Variants in MPG observed in about 807,000 individuals in gnomAD.
MPG encodes the protein N-methylpurine DNA glycosylase.
A neutral mutation model predicts 31.7 loss-of-function variants in MPG; 33 were observed. That is an observed-to-expected ratio of 1.04 (90% CI 0.79 to 1.39). The LOEUF (loss-of-function observed/expected upper bound fraction) is 1.39, where lower values mean the gene tolerates loss of function less well. Among genes scored for constraint, MPG ranks in the 40% most tolerant of loss-of-function variants. The probability of loss-of-function intolerance (pLI) is 0.00; values close to 1 mark genes in which losing one functional copy is unlikely to be tolerated. For synonymous variants in MPG, 202 were observed against 169.2 expected, an observed-to-expected ratio of 1.19 and a Z score of -1.51; for missense variants, 455 against 415.5, an observed-to-expected ratio of 1.10 and a Z score of -0.83.
chr16:84,895 G>A (rs1312687265), intron 3 of MPG, among the ~76,000 whole-genome samples: 1 of 152,208 alleles, frequency 6.6e-6, no homozygotes. Flanking sequence ...CAAACACTGA[G>A]TGGGTGAGGC....
chr16:78,174 C>A (rs1427706474), upstream of MPG: 51 of 718,982 alleles, frequency 7.1e-5, no homozygotes, highest in Non-Finnish European at 8.8e-5. Context: ...GCGCTCACTG[C>A]CCCCCTTCTC....
At chr16:79,899 C>T in intron 2 of MPG, 199 bp downstream of exon 2, 1 of 671,568 alleles carries the variant, frequency 1.5e-6, no homozygotes, top group Non-Finnish European at 2.5e-6. Flanking sequence ...TAGAGATTGT[C>T]AGTGCTGCTT....
intron 2 of MPG, chr16:79,978 C>T (rs1178647002): frequency 1.9e-5 from 10 of 537,680 alleles, no homozygotes; most frequent in African/African-American, 5.7e-5. Context: ...AGCACTTGCA[C>T]CGTTAGCCTT....
intron 1 of MPG, chr16:79,200 C>A (rs1898170912): frequency 6.5e-7 from 1 of 1,549,130 alleles, no homozygotes; most frequent in South Asian, 1.2e-5. Context: ...AGCAGCCACC[C>A]TGCCCCCAGC....
chr16:77,300 G>A (rs1249448012), upstream of MPG, among the ~76,000 whole-genome samples: 1 of 152,204 alleles, frequency 6.6e-6, no homozygotes, highest in Non-Finnish European at 1.5e-5. Flanking sequence ...TCTGCTGGGT[G>A]CTGGGGCTGC....
At chr16:83,912 A>G (rs1898334453) in intron 3 of MPG, among the ~76,000 whole-genome samples, 1 of 152,126 alleles carries the variant, frequency 6.6e-6, no homozygotes, top group African/African-American at 2.4e-5. Flanking sequence ...GTTGCCAAGG[A>G]TGGAGCAGTG....
rs113130800 is a variant in MPG at position 81,671 on chromosome 16, C to G, written c.301-1381C>G. ...ACCACCCTATCTCCGGGAAGGCCTC[C>G]TGAATGCTCCCCACACTGACCCCTT... On this transcript the variant is annotated intron_variant, in intron 2 of 3. Transcript: ENST00000356432. Among the ~76,000 whole-genome samples the G allele has an allele frequency of 1.4e-3, 187 of 130,960 alleles. 8 individuals are homozygous for G. Among genetic ancestry groups the G allele is most frequent in the African/African-American group, 6.8e-3 (175 of 25,774 alleles). 85.9% of individuals were successfully genotyped at this position (130,960 alleles called of 152,430 possible). A position where few individuals can be genotyped will look rare whatever the true frequency, so the allele number is the denominator to read the frequency against.
At chr16:82,920 G>A (rs187215541) in intron 2 of MPG, 132 bp from the exon 3 acceptor site, 137 of 714,058 alleles carry the variant, frequency 1.9e-4, no homozygotes, top group Non-Finnish European at 2.1e-4. Flanking sequence ...GGATGGAGAC[G>A]GGGCAAGGTC....
chr16:81,291 G>C (rs1415488036), intron 2 of MPG, among the ~76,000 whole-genome samples: 1 of 152,328 alleles, frequency 6.6e-6, no homozygotes, highest in South Asian at 2.1e-4. Flanking sequence ...AATGGTATCA[G>C]TGAAATCCTG....
intron 2 of MPG, among the ~76,000 whole-genome samples, chr16:81,384 A>T (rs1160403471): frequency 6.6e-6 from 1 of 152,160 alleles, no homozygotes; most frequent in Non-Finnish European, 1.5e-5. Context: ...GGGCCCCCCC[A>T]GTGTGCCCCC....
intron 3 of MPG, 171 bp downstream of exon 3, chr16:83,427 G>T: frequency 2.9e-6 from 2 of 679,592 alleles, no homozygotes; most frequent in Non-Finnish European, 4.9e-6. Context: ...GGCAGGGCTG[G>T]TTAGGTTAAA....
Position 79,537 on chromosome 16 carries a change from C to A in MPG, c.137C>A (p.Ala46Glu). ...GAGCAGCCACACAGCTCGTCCGATG[C>A]AGCCCAGGCACCTTGCCCCAGGGAG... ...PAEQPHSSSDAAQAPCPRERC... is the reference protein window; with the variant it reads ...PAEQPHSSSDEAQAPCPRERC... Residue 46 changes from alanine (A) to glutamate (E), a missense_variant, in exon 2 of 4, where the codon GCA (alanine) becomes GAA (glutamate). By Grantham distance (107) the Ala-to-Glu change is moderately radical. Transcript: ENST00000356432. 1 of 1,613,072 alleles carries A rather than the reference C, an allele frequency of 6.2e-7. No homozygotes were observed. The highest frequency in any genetic ancestry group is 8.5e-7 in the Non-Finnish European group (1 of 1,180,012).
At chr16:84,970 C>T (rs1279105722) in intron 3 of MPG, among the ~76,000 whole-genome samples, 1 of 152,240 alleles carries the variant, frequency 6.6e-6, no homozygotes, top group African/African-American at 2.4e-5. Context: ...TGATCGCACC[C>T]GAGGACTGGC....
chr16:80,067 G>A (rs995016781), intron 2 of MPG, among the ~76,000 whole-genome samples: 1 of 152,242 alleles, frequency 6.6e-6, no homozygotes. Context: ...CCTTCCCGCT[G>A]TAGTGGCTCA....
Position 85,703 on chromosome 16 carries a change from C to T in MPG, c.808C>T (p.Leu270Phe), listed in dbSNP as rs747967803. 3 of 1,541,052 alleles carry T rather than the reference C, an allele frequency of 1.9e-6. No homozygotes were observed. The South Asian group carries it at 3.7e-5, about 19-fold the overall frequency. ...GHAGEWARKP[L>F]RFYVRGSPWV... ...TGCAGGGGAGTGGGCCCGGAAACCCCTCCGCTTCTATGTCCGGGGCAGCCC... is the reference window on the plus strand; with the variant it reads ...TGCAGGGGAGTGGGCCCGGAAACCCTTCCGCTTCTATGTCCGGGGCAGCCC... The change falls in exon 4 of 4, where the codon CTC becomes TTC. Residue 270 changes from leucine (L) to phenylalanine (F), a missense_variant. Transcript: ENST00000356432.
chr16:85,627 GGAGCCCAGT>G lies in MPG; in HGVS notation c.738_746del (p.Ser247_Pro249del). On this transcript the variant is annotated inframe_deletion, in exon 4 of 4. Transcript: ENST00000356432. ...CTGTATGGCTGGAGCGTGGTCCCCT[GGAGCCCAGT>G]GAGCCGGCTGTAGTGGCAGCAGCCC... 1.3e-6 allele frequency: 2 copies of G among 1,597,898 alleles called. No individual in the cohort carries two copies. Among genetic ancestry groups the G allele is most frequent in the South Asian group, 1.1e-5 (1 of 90,524 alleles).
At position 83,225 on chromosome 16, in the gene MPG, C is replaced by T; in HGVS notation, c.474C>T (p.Gly158=). 1 of 1,612,760 alleles carries T rather than the reference C, an allele frequency of 6.2e-7. No homozygotes were observed. Among genetic ancestry groups the T allele is most frequent in the Non-Finnish European group, 8.5e-7 (1 of 1,179,710 alleles). ...PGTLYVYIIY[G]MYFCMNISSQ... ...CCCTGTACGTGTACATCATTTACGGCATGTACTTCTGCATGAACATCTCCA... is the reference window on the plus strand; with the variant it reads ...CCCTGTACGTGTACATCATTTACGGTATGTACTTCTGCATGAACATCTCCA... The change falls in exon 3 of 4, where the codon GGC becomes GGT. Residue 158 remains glycine (G), a synonymous_variant. Transcript: ENST00000356432.
In MPG at chr16:85,423, G is replaced by A; in HGVS notation, c.528G>A (p.Leu176=). Residue 176 remains leucine, a synonymous_variant, in exon 4 of 4, where the codon CTG becomes CTA. Transcript: ENST00000356432. ...SSQGDGACVL[L]RALEPLEGLE... ...CAGGGGACGGGGCTTGCGTCTTGCTGCGAGCACTGGAGCCCCTGGAAGGTC... is the reference window on the plus strand; with the variant it reads ...CAGGGGACGGGGCTTGCGTCTTGCTACGAGCACTGGAGCCCCTGGAAGGTC... The A allele has an allele frequency of 1.9e-6, 3 of 1,609,728 alleles. No homozygotes were observed. The highest frequency in any genetic ancestry group is 2.7e-5 in the African/African-American group (2 of 74,986).
upstream of MPG, chr16:78,179 CTT>C: frequency 1.3e-6 from 1 of 781,644 alleles, no homozygotes; most frequent in South Asian, 3.6e-5. Flanking sequence ...CACTGCCCCC[CTT>C]CTCCCGGCTT....
Sources: allele counts gnomAD v4.1 joint callset (sites outside exome capture counted in the v4.1 genomes callset), GRCh38; gene constraint gnomAD v4.1.1; transcripts MANE v1.5; gene names NCBI Gene and HGNC (gene_info 2026-07-23, HGNC 2026-07-21).